Variants in ZNF69 observed in about 807,000 individuals in gnomAD.
ZNF69 encodes the protein zinc finger protein 69.
ZNF69 carries 47 observed loss-of-function variants against 50.9 expected under a neutral mutation model. The observed-to-expected ratio is 0.92, with a 90% CI of 0.73 to 1.18. ZNF69 has a LOEUF of 1.18. Among genes scored for constraint, ZNF69 ranks in the 50% most tolerant of loss-of-function variants. The pLI is 0.00. For missense variants in ZNF69, 717 were observed against 675.1 expected, an observed-to-expected ratio of 1.06 and a Z score of -0.69; for synonymous variants, 216 against 223.1, an observed-to-expected ratio of 0.97 and a Z score of 0.29.
At chr19:11,960,105 C>A in the ZNF69 span, among the ~76,000 whole-genome samples, 1 of 151,100 alleles carries the variant, frequency 6.6e-6, no homozygotes, top group South Asian at 2.1e-4. Flanking sequence ...CGTGATCTCA[C>A]CTCACTGCAA....
At chr19:11,935,248 T>TC in the ZNF69 span, among the ~76,000 whole-genome samples, 2 of 141,148 alleles carry the variant, frequency 1.4e-5, no homozygotes, top group East Asian at 4.1e-4. Context: ...TTTTTTTTTT[T>TC]TTTTTTGAGA....
At chr19:11,924,982 G>T in the ZNF69 span, 1 of 470,718 alleles carries the variant, frequency 2.1e-6, no homozygotes, top group Admixed American at 3.5e-5. Context: ...GGCTCTGCGG[G>T]GCCTGATACC....
downstream of ZNF69, among the ~76,000 whole-genome samples, chr19:11,919,221 T>A (rs1972546556): frequency 6.6e-6 from 1 of 152,040 alleles, no homozygotes; most frequent in African/African-American, 2.4e-5. Context: ...TATTCTCATT[T>A]TTTCCTAGAT....
intron 1 of ZNF69, among the ~76,000 whole-genome samples, chr19:11,890,001 GC>G (rs1224174943): frequency 1.1e-4 from 16 of 152,328 alleles, no homozygotes; most frequent in African/African-American, 3.8e-4. Flanking sequence ...GAGTAACAGA[GC>G]AGTATTGCTG....
chr19:11,907,375 G>C (rs1972394229), downstream of ZNF69, among the ~76,000 whole-genome samples: 3 of 152,168 alleles, frequency 2.0e-5, no homozygotes, highest in Non-Finnish European at 4.4e-5. Context: ...ATAATTGTCA[G>C]ATTCACCAAA....
the ZNF69 span, chr19:11,948,691 A>C: frequency 6.2e-7 from 1 of 1,612,238 alleles, no homozygotes; most frequent in Non-Finnish European, 8.5e-7. Flanking sequence ...TGGAACTTAT[A>C]AATGTAAATT....
chr19:11,919,859 G>C, the ZNF69 span, among the ~76,000 whole-genome samples: 1 of 152,098 alleles, frequency 6.6e-6, no homozygotes, highest in African/African-American at 2.4e-5. Flanking sequence ...AAAAAATTCT[G>C]CTGTTTAAGA....
At chr19:11,978,206 C>G in the ZNF69 span, 1 of 1,613,752 alleles carries the variant, frequency 6.2e-7, no homozygotes, top group Middle Eastern at 1.7e-4. Flanking sequence ...GGCTGAACTT[C>G]CAGGAGAAGA....
chr19:11,944,812 A>G, the ZNF69 span, among the ~76,000 whole-genome samples: 58 of 152,326 alleles, frequency 3.8e-4, no homozygotes, highest in East Asian at 0.011. Flanking sequence ...CTGTTTCAGC[A>G]AGGGCTGATA....
chr19:11,962,094 G>A, the ZNF69 span, among the ~76,000 whole-genome samples: 11 of 152,170 alleles, frequency 7.2e-5, no homozygotes, highest in East Asian at 5.8e-4. Flanking sequence ...GGATTAAGGC[G>A]TAAGAAACTG....
Position 11,903,472 on chromosome 19 carries a change from C to A in ZNF69, c.64-101C>A, listed in dbSNP as rs951333440. The A allele has an allele frequency of 1.9e-6, 3 of 1,551,022 alleles. No individual in the cohort carries two copies. In the African/African-American group the frequency reaches 4.1e-5, roughly 21 times the overall value. ...ACAGGGAGAAAGAGATCTGATGACCCTTGGAGTCCACGGCATCCTGAGAAC... is the reference window on the plus strand; with the variant it reads ...ACAGGGAGAAAGAGATCTGATGACCATTGGAGTCCACGGCATCCTGAGAAC... On this transcript the variant is annotated intron_variant, in intron 1 of 3. Coordinates refer to ENST00000429654, the MANE Select transcript of ZNF69 (RefSeq NM_001364730.1).
the ZNF69 span, among the ~76,000 whole-genome samples, chr19:11,924,192 C>A: frequency 6.6e-6 from 1 of 151,724 alleles, no homozygotes; most frequent in Non-Finnish European, 1.5e-5. Flanking sequence ...CAGCACTTTG[C>A]GGGGCCGAGG....
At chr19:11,947,660 C>CT in the ZNF69 span, 1 of 1,217,668 alleles carries the variant, frequency 8.2e-7, no homozygotes, top group Admixed American at 2.2e-5. Flanking sequence ...AAACAAAGAA[C>CT]TAAATCCAGC....
At chr19:11,958,749 T>G in the ZNF69 span, among the ~76,000 whole-genome samples, 1 of 152,178 alleles carries the variant, frequency 6.6e-6, no homozygotes, top group African/African-American at 2.4e-5. Context: ...GGAGTGTGGG[T>G]TTCCTTGTGA....
chr19:11,897,871 CAAA>C (rs564395635), intron 1 of ZNF69, among the ~76,000 whole-genome samples: 2 of 63,398 alleles, frequency 3.2e-5, no homozygotes, highest in Admixed American at 1.8e-4. Context: ...GACTCCATCT[CAAA>C]AAAAAAAAAA....
the ZNF69 span, among the ~76,000 whole-genome samples, chr19:11,974,494 C>A: frequency 6.6e-6 from 1 of 151,214 alleles, no homozygotes; most frequent in Non-Finnish European, 1.5e-5. Flanking sequence ...CTGCCCCTGG[C>A]CTGTTTTAAT....
At chr19:11,963,321 C>T in the ZNF69 span, among the ~76,000 whole-genome samples, 4 of 152,174 alleles carry the variant, frequency 2.6e-5, no homozygotes, top group African/African-American at 9.7e-5. Flanking sequence ...TCTCCAACTT[C>T]TGTCTTCAAG....
intron 4 of ZNF69, among the ~76,000 whole-genome samples, chr19:11,912,095 C>T (rs1353140881): frequency 6.6e-6 from 1 of 152,150 alleles, no homozygotes. Context: ...GTAGGACTCA[C>T]ACTGGAGAGA....
At chr19:11,956,385 A>G in the ZNF69 span, 1 of 389,768 alleles carries the variant, frequency 2.6e-6, no homozygotes, top group East Asian at 3.6e-5. Context: ...AGGGTTAGAT[A>G]CTTTCCCTGA....
Sources: gnomAD v4.1 joint callset for allele counts (sites outside exome capture counted in the v4.1 genomes callset) on GRCh38, gnomAD v4.1.1 for gene constraint, MANE v1.5 for transcripts, NCBI Gene and HGNC (gene_info 2026-07-23, HGNC 2026-07-21) for gene names.